The following ZFAT variants were observed in gnomAD, a reference collection of about 807,000 sequenced individuals.
The protein encoded by ZFAT is zinc finger protein ZFAT.
ZFAT carries 64 observed loss-of-function variants against 117.7 expected under a neutral mutation model. That is an observed-to-expected ratio of 0.54 (90% CI 0.44 to 0.67). The LOEUF (loss-of-function observed/expected upper bound fraction) is 0.67, where lower values mean the gene tolerates loss of function less well. ZFAT is among the 30% of genes least tolerant of loss of function. ZFAT has a pLI of 0.00. For synonymous variants in ZFAT, 679 were observed against 615.0 expected (o/e 1.10, Z -1.54); for missense variants, 1,433 against 1,584.5 (o/e 0.90, Z 1.62).
chr8:134,535,917 A>G (rs1436066183), intron 11 of ZFAT, among the ~76,000 whole-genome samples: 1 of 152,230 alleles, frequency 6.6e-6, no homozygotes, highest in Non-Finnish European at 1.5e-5. Flanking sequence ...TGAAAATGCT[A>G]TATTGCCAGC....
Position 134,509,668 on chromosome 8 carries a change from A to C in ZFAT, c.3443T>G (p.Leu1148Arg). 1 of 1,613,332 alleles carries C rather than the reference A, an allele frequency of 6.2e-7. No homozygotes were observed. Among genetic ancestry groups the C allele is most frequent in the Non-Finnish European group, 8.5e-7 (1 of 1,179,732 alleles). Residue 1148 changes from leucine to arginine, a missense_variant, in exon 15 of 16, where the codon CTT becomes CGT. Leu to Arg is a moderately radical substitution (Grantham distance 102, BLOSUM62 -2). This residue lies in a region of ZFAT where 503 missense variants were observed against 543.4 expected (regional missense o/e 0.93). Coordinates refer to ENST00000377838, the MANE Select transcript of ZFAT (RefSeq NM_020863.4). The part of the protein sequence containing the change: ...LGAETHDATA[L>R]ASVVAMAPGT... ...TGGTGCCATGGCAACCACCGAGGCA[A>C]GGGCAGTGGCGTCATGGGTCTCGGC...
At chr8:134,595,319 G>T (rs1008145681) in intron 7 of ZFAT, among the ~76,000 whole-genome samples, 1 of 152,042 alleles carries the variant, frequency 6.6e-6, no homozygotes, top group Non-Finnish European at 1.5e-5. Context: ...TCACTAAACT[G>T]ATTTCACGAC....
In ZFAT at chr8:134,600,668, C is replaced by A; in HGVS notation, c.2243G>T (p.Gly748Val). 1 of 1,564,356 alleles carries A rather than the reference C, an allele frequency of 6.4e-7. No homozygotes were observed. Residue 748 changes from glycine to valine, a missense_variant and splice_region_variant, in exon 7 of 16, where the codon GGC (glycine) becomes GTC (valine). By Grantham distance (109) the Gly-to-Val change is moderately radical. This residue lies in a region of ZFAT where 372 missense variants were observed against 355.6 expected (regional missense o/e 1.05). Transcript: ENST00000377838. ...ATGCACTTGGTACCAAAAAAGTTTG[C>A]CTAAAAAAATATTTTCACATGAGAA... ...VYGDLECEYCGKLFWYQVHFD... is the reference protein window; with the variant it reads ...VYGDLECEYCVKLFWYQVHFD...
intron 15 of ZFAT, among the ~76,000 whole-genome samples, chr8:134,488,085 G>T (rs368783035): frequency 3.3e-5 from 5 of 152,320 alleles, no homozygotes; most frequent in African/African-American, 1.2e-4. Context: ...CCCCAAGTAG[G>T]GTAGCTCAGG....
At chr8:134,738,712 C>G in the ZFAT span, among the ~76,000 whole-genome samples, 3 of 151,868 alleles carry the variant, frequency 2.0e-5, no homozygotes, top group Non-Finnish European at 4.4e-5. Context: ...GGAAAGGACA[C>G]CAGAGCTAAT....
intron 15 of ZFAT, among the ~76,000 whole-genome samples, chr8:134,482,767 T>C (rs1817404373): frequency 1.3e-5 from 2 of 152,176 alleles, no homozygotes; most frequent in Non-Finnish European, 1.5e-5. Flanking sequence ...ATGGAGGCAA[T>C]GGTGATGTGT....
chr8:134,795,742 G>A, the ZFAT span: 1 of 152,166 alleles, frequency 6.6e-6, no homozygotes, highest in African/African-American at 2.4e-5. Flanking sequence ...TTAATCTCTG[G>A]TTAATAAAAT....
At chr8:134,737,288 A>T in the ZFAT span, among the ~76,000 whole-genome samples, 2 of 143,750 alleles carry the variant, frequency 1.4e-5, no homozygotes, top group Non-Finnish European at 3.0e-5. Context: ...CTCAAAAAAA[A>T]TGAAAATAAA....
intron 3 of ZFAT, among the ~76,000 whole-genome samples, chr8:134,613,869 T>C (rs1332878374): frequency 6.6e-6 from 1 of 152,242 alleles, no homozygotes; most frequent in African/African-American, 2.4e-5. Context: ...AAGACCATGA[T>C]AATGCCTTGG....
the ZFAT span, among the ~76,000 whole-genome samples, chr8:134,813,829 C>T: frequency 6.7e-6 from 1 of 150,308 alleles, no homozygotes; most frequent in South Asian, 2.1e-4. Flanking sequence ...CACACACACA[C>T]ACACACACAC....
intron 15 of ZFAT, among the ~76,000 whole-genome samples, chr8:134,492,328 A>C (rs948476556): frequency 6.6e-6 from 1 of 152,220 alleles, no homozygotes; most frequent in African/African-American, 2.4e-5. Flanking sequence ...AGATCAAAGG[A>C]AAGCGTGCAA....
chr8:134,496,380 C>T (rs903521634), intron 15 of ZFAT, among the ~76,000 whole-genome samples: 2 of 152,242 alleles, frequency 1.3e-5, no homozygotes, highest in Non-Finnish European at 2.9e-5. Context: ...TCCACTGTGA[C>T]ATGAGCTGGG....
chr8:134,539,232 G>A (rs779085836), intron 11 of ZFAT, among the ~76,000 whole-genome samples: 1 of 152,204 alleles, frequency 6.6e-6, no homozygotes, highest in Non-Finnish European at 1.5e-5. Flanking sequence ...CTGGTGATGA[G>A]GTAATGTTCA....
rs779011709 is a variant in ZFAT, at chr8:134,509,712, C to T, written c.3399G>A (p.Gln1133=). The T allele has an allele frequency of 6.2e-7, 1 of 1,611,144 alleles. No homozygotes were observed. The highest frequency in any genetic ancestry group is 1.1e-5 in the South Asian group (1 of 90,966). The change falls in exon 15 of 16, where the codon CAG becomes CAA. Residue 1133 remains glutamine (Q), a synonymous_variant. Coordinates refer to ENST00000377838, the MANE Select transcript of ZFAT (RefSeq NM_020863.4). ...RLDPTAVNIL[Q]QIIELGAETH... ...TCTCGGCGCCCAGCTCAATGATCTG[C>T]TGCAGGATGTTCACGGCCGTGGGGT...
intron 1 of ZFAT, among the ~76,000 whole-genome samples, chr8:134,667,810 G>A (rs982108887): frequency 1.3e-5 from 2 of 152,150 alleles, no homozygotes; most frequent in African/African-American, 4.8e-5. Flanking sequence ...GCAGGGCGAG[G>A]CATCACCTCA....
chr8:134,636,758 C>T (rs1018700903), intron 3 of ZFAT, among the ~76,000 whole-genome samples: 4 of 152,320 alleles, frequency 2.6e-5, no homozygotes, highest in Middle Eastern at 3.4e-3. Context: ...TTCATTCCTC[C>T]GACGAAGGCC....
the ZFAT span, among the ~76,000 whole-genome samples, chr8:134,819,722 G>A: frequency 6.6e-6 from 1 of 152,008 alleles, no homozygotes; most frequent in African/African-American, 2.4e-5. Context: ...TTCCAGGGGA[G>A]TTTTTGATTT....
intron 9 of ZFAT, among the ~76,000 whole-genome samples, chr8:134,585,432 C>A (rs1482017034): frequency 6.6e-6 from 1 of 152,138 alleles, no homozygotes; most frequent in Non-Finnish European, 1.5e-5. Context: ...ACTATTTGAC[C>A]TGGTGTTTTT....
intron 11 of ZFAT, among the ~76,000 whole-genome samples, chr8:134,540,159 A>G (rs1476013042): frequency 1.3e-5 from 2 of 152,340 alleles, no homozygotes; most frequent in Non-Finnish European, 1.5e-5. Flanking sequence ...ATAAAGTGAA[A>G]AGAGAAGCAG....
Sources: allele counts gnomAD v4.1 joint callset (sites outside exome capture counted in the v4.1 genomes callset), GRCh38; gene constraint gnomAD v4.1.1; regional missense constraint gnomAD v4.1.1; transcripts MANE v1.5; gene names NCBI Gene and HGNC (gene_info 2026-07-23, HGNC 2026-07-21).